PCLO: variants seen among roughly 807,000 people sequenced by gnomAD.
The protein encoded by PCLO is protein piccolo.
A neutral mutation model predicts 427.5 loss-of-function variants in PCLO; 82 were observed. The ratio of observed to expected loss-of-function variants is 0.19; its 90% confidence interval spans 0.16 to 0.23. PCLO has a LOEUF of 0.23. PCLO is among the 10% of genes least tolerant of loss of function. The probability of loss-of-function intolerance (pLI) is 1.00; values close to 1 mark genes in which losing one functional copy is unlikely to be tolerated. For synonymous variants in PCLO, 2,357 were observed against 2,155.4 expected, an observed-to-expected ratio of 1.09 and a Z score of -2.59; for missense variants, 6,239 against 6,115.9, an observed-to-expected ratio of 1.02 and a Z score of -0.67.
chr7:83,145,931 T>C (rs1036816897), intron 2 of PCLO, among the ~76,000 whole-genome samples: 1 of 152,212 alleles, frequency 6.6e-6, no homozygotes, highest in African/African-American at 2.4e-5. Context: ...CAAAGCACCA[T>C]CTTATGATTA....
intron 13 of PCLO, among the ~76,000 whole-genome samples, chr7:82,843,361 T>C (rs971588076): frequency 6.6e-6 from 1 of 152,040 alleles, no homozygotes; most frequent in Non-Finnish European, 1.5e-5. Context: ...GTTGAACTTA[T>C]AGAAGCATAG....
intron 14 of PCLO, among the ~76,000 whole-genome samples, chr7:82,838,672 A>C (rs1444055470): frequency 6.6e-6 from 1 of 151,926 alleles, no homozygotes; most frequent in Admixed American, 6.6e-5. Context: ...AAATGTTGTT[A>C]ATGTTTATTA....
At chr7:82,888,045 G>C (rs1793668956) in intron 9 of PCLO, among the ~76,000 whole-genome samples, 1 of 151,804 alleles carries the variant, frequency 6.6e-6, no homozygotes, top group Non-Finnish European at 1.5e-5. Context: ...ACTCCAGCCT[G>C]GGTGACAGAG....
chr7:83,059,381 A>ATATATATATATATATAT (rs757350399), intron 3 of PCLO, among the ~76,000 whole-genome samples: 436 of 95,704 alleles, frequency 4.6e-3, no homozygotes, highest in South Asian at 0.016. Context: ...TATATATATA[A>ATATATATATATATATAT]AAATGAAAAA....
At chr7:82,877,626 C>T (rs1584089462) in intron 10 of PCLO, among the ~76,000 whole-genome samples, 3 of 152,182 alleles carry the variant, frequency 2.0e-5, no homozygotes, top group Admixed American at 2.0e-4. Context: ...CTCCTAACTT[C>T]TCCTCTTTTA....
intron 20 of PCLO, among the ~76,000 whole-genome samples, chr7:82,819,497 T>C (rs1387691606): frequency 6.6e-6 from 1 of 152,104 alleles, no homozygotes; most frequent in African/African-American, 2.4e-5. Flanking sequence ...AGAACGTGAA[T>C]AACATGAAGA....
intron 3 of PCLO, among the ~76,000 whole-genome samples, chr7:83,125,148 G>A (rs1316478871): frequency 1.3e-5 from 2 of 152,178 alleles, no homozygotes; most frequent in Admixed American, 1.3e-4. Flanking sequence ...CCAAAGTGCT[G>A]AGATTGCAGC....
chr7:82,963,050 G>C (rs545963891), intron 4 of PCLO, among the ~76,000 whole-genome samples: 1 of 152,016 alleles, frequency 6.6e-6, no homozygotes, highest in East Asian at 1.9e-4. Flanking sequence ...ATACTTATTA[G>C]ATAGCAAGAA....
rs1445347333 is a variant in PCLO, at chr7:82,954,820, G to C, written c.6133C>G (p.Leu2045Val). The change falls in exon 5 of 25, where the codon CTG becomes GTG. Residue 2045 changes from leucine to valine, a missense_variant. Leu to Val is a conservative substitution (Grantham distance 32, BLOSUM62 1). This residue lies in a region of PCLO where 4,677 missense variants were observed against 4,468.4 expected (regional missense o/e 1.05). Transcript: ENST00000333891. ...IIPESHEIVD[L>V]GTMVTSTEEE... ...TCTGTAGAAGTTACCATAGTACCCA[G>C]GTCCACTATCTCATGGCTTTCTGGG... 1 of 1,613,746 alleles carries C rather than the reference G, an allele frequency of 6.2e-7. No homozygotes were observed. The highest frequency in any genetic ancestry group is 1.7e-5 in the Admixed American group (1 of 60,002).
At chr7:82,989,829 A>G (rs2158626) in intron 3 of PCLO, among the ~76,000 whole-genome samples, 113,319 of 151,956 alleles carry the variant, frequency 0.75, 42,945 homozygotes, top group East Asian at 0.92. Flanking sequence ...GAAGAGTTAT[A>G]CTATGGTCCA....
At chr7:83,098,703 A>C (rs1790657605) in intron 3 of PCLO, among the ~76,000 whole-genome samples, 1 of 152,126 alleles carries the variant, frequency 6.6e-6, no homozygotes, top group African/African-American at 2.4e-5. Flanking sequence ...GCGTTTTCTT[A>C]CTGAGAAGAG....
intron 3 of PCLO, among the ~76,000 whole-genome samples, chr7:83,022,083 G>T (rs1312211869): frequency 6.6e-6 from 1 of 152,142 alleles, no homozygotes; most frequent in Non-Finnish European, 1.5e-5. Flanking sequence ...AAGGCCTTTT[G>T]TGTAGTACTG....
In PCLO at chr7:83,162,707, C is replaced by G. The variant is rs994293529; in HGVS notation, c.-115G>C. Reference sequence around the variant, plus strand: ...GTCCGCCTCGGGGCGTGCAGGCAGCCGAGTCCCTGGACTCTGGACCAGGCA... The same window carrying G: ...GTCCGCCTCGGGGCGTGCAGGCAGCGGAGTCCCTGGACTCTGGACCAGGCA... On this transcript the variant is annotated 5_prime_UTR_variant, in exon 1 of 25. Coordinates refer to ENST00000333891, the MANE Select transcript of PCLO (RefSeq NM_033026.6). 1.5e-6 allele frequency: 2 copies of G among 1,352,628 alleles called. No homozygotes were observed. Among genetic ancestry groups the G allele is most frequent in the African/African-American group, 1.5e-5 (1 of 67,978 alleles). The allele number at this position is 1,352,628 out of a possible 1,614,324, so 83.8% of individuals were successfully genotyped here. A position where few individuals can be genotyped will look rare whatever the true frequency, so the allele number is the denominator to read the frequency against.
chr7:82,962,304 A>T (rs940576056), intron 4 of PCLO, among the ~76,000 whole-genome samples: 1 of 152,140 alleles, frequency 6.6e-6, no homozygotes, highest in Non-Finnish European at 1.5e-5. Context: ...TTTCTTTCTC[A>T]ATAAGAAAAA....
At chr7:83,086,143 G>A (rs967735103) in intron 3 of PCLO, among the ~76,000 whole-genome samples, 5 of 142,722 alleles carry the variant, frequency 3.5e-5, no homozygotes, top group Admixed American at 1.4e-4. Flanking sequence ...GGAGTCTTGC[G>A]CTGTCGCCCA....
In PCLO at chr7:83,029,713, A is replaced by C. The variant is rs1788609401; in HGVS notation, c.3301-63226T>G. On this transcript the variant is annotated intron_variant, in intron 3 of 24. Transcript: ENST00000333891. ...ATAGCAAAGACTTGGAACCAACCCA[A>C]ATGTCCAACAATGATAGACTGGATT... Among the ~76,000 whole-genome samples, 3 of 119,144 alleles carry C rather than the reference A, an allele frequency of 2.5e-5. No homozygotes were observed. In the East Asian group the frequency reaches 7.1e-4, roughly 28 times the overall value. 78.2% of individuals were successfully genotyped at this position (119,144 alleles called of 152,430 possible). A position where few individuals can be genotyped will look rare whatever the true frequency, so the allele number is the denominator to read the frequency against.
At chr7:82,807,741 A>G (rs770149422) in intron 20 of PCLO, among the ~76,000 whole-genome samples, 4 of 152,006 alleles carry the variant, frequency 2.6e-5, no homozygotes, top group Non-Finnish European at 5.9e-5. Flanking sequence ...AGTCAATTGT[A>G]TATCAGATGT....
At chr7:83,051,176 A>G (rs1374081495) in intron 3 of PCLO, among the ~76,000 whole-genome samples, 1 of 152,138 alleles carries the variant, frequency 6.6e-6, no homozygotes, top group African/African-American at 2.4e-5. Context: ...TTCACCTCTC[A>G]TCACACCTAT....
At chr7:82,937,142 T>C (rs1215802515) in intron 6 of PCLO, among the ~76,000 whole-genome samples, 1 of 151,844 alleles carries the variant, frequency 6.6e-6, no homozygotes, top group Admixed American at 6.6e-5. Context: ...AAATGGTTAA[T>C]TTTATGTTGT....
Sources: gnomAD v4.1 joint callset for allele counts (sites outside exome capture counted in the v4.1 genomes callset) on GRCh38, gnomAD v4.1.1 for gene constraint, gnomAD v4.1.1 regional missense constraint, MANE v1.5 for transcripts, NCBI Gene and HGNC (gene_info 2026-07-23, HGNC 2026-07-21) for gene names.